M1AP: variants seen among roughly 807,000 people sequenced by gnomAD.
The protein encoded by M1AP is meiosis 1 arrest protein.
Under a neutral mutation model 51.2 loss-of-function variants are expected in M1AP, and 39 were observed. The observed-to-expected ratio is 0.76, with a 90% CI of 0.59 to 1.00. The LOEUF (loss-of-function observed/expected upper bound fraction) is 1.00, where lower values mean the gene tolerates loss of function less well. M1AP is among the 50% of genes least tolerant of loss of function. M1AP has a pLI of 0.00. For synonymous variants in M1AP, 251 were observed against 249.2 expected, an observed-to-expected ratio of 1.01 and a Z score of -0.07; for missense variants, 545 against 641.2, an observed-to-expected ratio of 0.85 and a Z score of 1.62.
At chr2:74,636,382 T>C (rs1682992519) in intron 2 of M1AP, among the ~76,000 whole-genome samples, 1 of 152,124 alleles carries the variant, frequency 6.6e-6, no homozygotes, top group Non-Finnish European at 1.5e-5. Context: ...CAGGATATAG[T>C]TGGGTCATTT....
At chr2:74,630,135 C>T (rs1198694148) in intron 2 of M1AP, among the ~76,000 whole-genome samples, 4 of 152,020 alleles carry the variant, frequency 2.6e-5, no homozygotes, top group Non-Finnish European at 5.9e-5. Flanking sequence ...TGAGGTCTCA[C>T]TATGTTGCCC....
At chr2:74,566,160 G>T (rs1678370133) in intron 7 of M1AP, among the ~76,000 whole-genome samples, 1 of 152,192 alleles carries the variant, frequency 6.6e-6, no homozygotes, top group Non-Finnish European at 1.5e-5. Flanking sequence ...GATCCTAGGG[G>T]TAGAGGCACC....
intron 4 of M1AP, among the ~76,000 whole-genome samples, chr2:74,589,277 G>C (rs1679900967): frequency 2.0e-5 from 3 of 152,236 alleles, no homozygotes; most frequent in Admixed American, 2.0e-4. Context: ...GAAGACTAAA[G>C]CAGAATAAGG....
At chr2:74,580,951 A>G (rs1679367124) in intron 5 of M1AP, among the ~76,000 whole-genome samples, 3 of 152,104 alleles carry the variant, frequency 2.0e-5, no homozygotes, top group Admixed American at 6.5e-5. Context: ...GGGCCCATCT[A>G]TCTGCAGGCC....
chr2:74,604,182 C>T (rs6748191), intron 4 of M1AP, among the ~76,000 whole-genome samples: 12,265 of 152,238 alleles, frequency 0.081, 1,385 homozygotes, highest in African/African-American at 0.25. Flanking sequence ...ATGCCTCACT[C>T]CCACCTCTGC....
Position 74,632,025 on chromosome 2 carries a change from C to T in M1AP, c.240+8011G>A, listed in dbSNP as rs141196007. ...TAAGCAAAGATTGGATTGTTCTATA[C>T]GTAAGGTAATAGTATTGTTTCTGCA... is the stretch of plus-strand genomic sequence containing the variant. On this transcript the variant is annotated intron_variant, in intron 2 of 10. Transcript: ENST00000421985. Among the ~76,000 whole-genome samples, 344 of 152,240 alleles carry T rather than the reference C, an allele frequency of 2.3e-3. 2 individuals are homozygous for T. Among genetic ancestry groups the T allele is most frequent in the Non-Finnish European group, 1.9e-3 (126 of 68,024 alleles).
chr2:74,582,531 T>C (rs1679467689), intron 4 of M1AP, among the ~76,000 whole-genome samples: 2 of 152,128 alleles, frequency 1.3e-5, no homozygotes, highest in African/African-American at 4.8e-5. Flanking sequence ...TATAACATGA[T>C]CCCATTTATA....
At chr2:74,612,717 T>C (rs906031323) in intron 3 of M1AP, among the ~76,000 whole-genome samples, 5 of 152,188 alleles carry the variant, frequency 3.3e-5, no homozygotes, top group African/African-American at 1.2e-4. Flanking sequence ...CCATTTTCAT[T>C]TGACTCAAGA....
intron 4 of M1AP, among the ~76,000 whole-genome samples, chr2:74,582,798 A>T (rs1391535134): frequency 2.0e-5 from 3 of 152,152 alleles, no homozygotes; most frequent in Non-Finnish European, 4.4e-5. Flanking sequence ...AGGTGGGTGG[A>T]TCACTTGAGC....
intron 1 of M1AP, among the ~76,000 whole-genome samples, chr2:74,647,657 G>T (rs570993805): frequency 1.6e-4 from 25 of 152,290 alleles, no homozygotes; most frequent in Admixed American, 1.3e-3. Context: ...ACTTTAGGAG[G>T]CCGAGGCGGG....
chr2:74,595,690 C>A (rs1303696868), intron 4 of M1AP, among the ~76,000 whole-genome samples: 1 of 152,022 alleles, frequency 6.6e-6, no homozygotes, highest in Non-Finnish European at 1.5e-5. Context: ...ATACACATGA[C>A]AATTATAACA....
At chr2:74,599,040 G>A (rs1680520079) in intron 4 of M1AP, among the ~76,000 whole-genome samples, 1 of 152,064 alleles carries the variant, frequency 6.6e-6, no homozygotes, top group Admixed American at 6.5e-5. Context: ...CACTTTGGTA[G>A]GCCGAGGTGG....
chr2:74,595,200 A>C (rs1055641126), intron 4 of M1AP, among the ~76,000 whole-genome samples: 3 of 152,114 alleles, frequency 2.0e-5, no homozygotes, highest in Non-Finnish European at 4.4e-5. Flanking sequence ...ATTTTTTTGT[A>C]GATGAAGTCT....
At chr2:74,605,882 C>G (rs1430908862) in intron 4 of M1AP, among the ~76,000 whole-genome samples, 1 of 149,456 alleles carries the variant, frequency 6.7e-6, no homozygotes, top group African/African-American at 2.5e-5. Context: ...GCCTGGGCAA[C>G]AGAGCGAGAC....
At chr2:74,609,931 C>T (rs1194047711) in intron 3 of M1AP, among the ~76,000 whole-genome samples, 8 of 151,956 alleles carry the variant, frequency 5.3e-5, no homozygotes, top group South Asian at 4.2e-4. Flanking sequence ...TTATATATTC[C>T]GGATATGAAT....
chr2:74,561,996 A>T, intron 8 of M1AP: 1 of 985,032 alleles, frequency 1.0e-6, no homozygotes, highest in Non-Finnish European at 1.2e-6. Flanking sequence ...CTCAAACCTC[A>T]TTTCCCTCCA....
chr2:74,628,812 T>G (rs1393164523), intron 2 of M1AP: 1 of 480,872 alleles, frequency 2.1e-6, no homozygotes, highest in African/African-American at 2.0e-5. Flanking sequence ...TGCACTGACT[T>G]GAAAGAATAA....
At chr2:74,621,228 G>C (rs1191628814) in intron 2 of M1AP, among the ~76,000 whole-genome samples, 1 of 152,012 alleles carries the variant, frequency 6.6e-6, no homozygotes, top group Non-Finnish European at 1.5e-5. Flanking sequence ...GTTGCAGTGA[G>C]CAGAGATCGC....
At chr2:74,605,264 GCA>G (rs1185635112) in intron 4 of M1AP, among the ~76,000 whole-genome samples, 4 of 152,112 alleles carry the variant, frequency 2.6e-5, no homozygotes, top group Non-Finnish European at 5.9e-5. Flanking sequence ...CCTCACAAAT[GCA>G]CAGTTATACA....
Sources: allele counts gnomAD v4.1 joint callset (sites outside exome capture counted in the v4.1 genomes callset), GRCh38; gene constraint gnomAD v4.1.1; transcripts MANE v1.5; gene names NCBI Gene and HGNC (gene_info 2026-07-23, HGNC 2026-07-21).